Variants in AHI1 observed in about 807,000 individuals in gnomAD.
AHI1 encodes Abelson helper integration site 1.
AHI1 carries 123 observed loss-of-function variants against 149.3 expected under a neutral mutation model. That is an observed-to-expected ratio of 0.82 (90% confidence interval 0.71 to 0.96). AHI1 has a LOEUF of 0.96. Ranked by LOEUF, AHI1 falls within the 40% of genes least tolerant of loss-of-function variation. The pLI is 0.00. For missense variants in AHI1, 1,439 were observed against 1,422.7 expected (o/e 1.01, Z -0.18); for synonymous variants, 475 against 459.8 (o/e 1.03, Z -0.42).
chr6:135,490,508 A>G (rs1795103607), intron 5 of AHI1, 115 bp downstream of exon 5: 14 of 1,197,200 alleles, frequency 1.2e-5, no homozygotes, highest in Non-Finnish European at 1.6e-5. Flanking sequence ...TGACCATGAC[A>G]TAGTGTTACT....
At chr6:135,334,832 C>T (rs1789131532) in intron 24 of AHI1, among the ~76,000 whole-genome samples, 1 of 152,170 alleles carries the variant, frequency 6.6e-6, no homozygotes, top group Admixed American at 6.5e-5. Context: ...TTCCCCAGAC[C>T]TGCAGCAGCA....
intron 3 of AHI1, among the ~76,000 whole-genome samples, chr6:135,495,152 A>G (rs1239778092): frequency 6.6e-6 from 1 of 151,024 alleles, no homozygotes; most frequent in Non-Finnish European, 1.5e-5. Flanking sequence ...TTGTTTTAAG[A>G]TTGTTTCCAC....
At chr6:135,425,139 TTTTAA>T (rs1263285345) in intron 20 of AHI1, among the ~76,000 whole-genome samples, 3 of 151,978 alleles carry the variant, frequency 2.0e-5, no homozygotes, top group Non-Finnish European at 4.4e-5. Context: ...CATTTTTTAG[TTTTAA>T]TTTGTTTGTA....
rs763402338 is a variant in AHI1 at position 135,428,617 on chromosome 6, A to G, written c.2623+12T>C. The G allele has an allele frequency of 6.3e-5, 101 of 1,593,704 alleles. No homozygotes were observed. Among genetic ancestry groups the G allele is most frequent in the South Asian group, 2.6e-4 (22 of 86,152 alleles). ...CTCCCCAAATGATTTTTAAAGTTCA[A>G]TAAACATTCACCTGTTTCTGGGTTC... On this transcript the variant is annotated intron_variant, in intron 19 of 28. Coordinates refer to ENST00000265602, the MANE Select transcript of AHI1 (RefSeq NM_001134831.2).
chr6:135,490,789 C>G (rs1396510448), intron 4 of AHI1, 42 bp from the exon 5 acceptor site: 1 of 1,604,808 alleles, frequency 6.2e-7, no homozygotes, highest in Non-Finnish European at 8.5e-7. Flanking sequence ...ATGACTCTAT[C>G]ATAACACACA....
chr6:135,437,480 A>C (rs1461742018), intron 15 of AHI1, among the ~76,000 whole-genome samples: 1 of 152,222 alleles, frequency 6.6e-6, no homozygotes, highest in Non-Finnish European at 1.5e-5. Context: ...AATTGTTACT[A>C]ATTCTCATCT....
chr6:135,409,417 G>T (rs1367044316), intron 21 of AHI1, among the ~76,000 whole-genome samples: 2 of 152,064 alleles, frequency 1.3e-5, no homozygotes, highest in Admixed American at 1.3e-4. Flanking sequence ...TTTTTAAAAA[G>T]ATCTGGATTT....
chr6:135,323,507 A>G (rs1787190123), intron 24 of AHI1, 183 bp from the exon 25 acceptor site: 1 of 462,424 alleles, frequency 2.2e-6, no homozygotes, highest in East Asian at 3.2e-5. Flanking sequence ...GAAGCAAGAT[A>G]AAAGACTGTG....
intron 6 of AHI1, 31 bp downstream of exon 6, chr6:135,467,550 T>G: frequency 6.4e-7 from 1 of 1,571,158 alleles, no homozygotes; most frequent in Non-Finnish European, 8.8e-7. Context: ...CTCATGCTCT[T>G]CTTCAGGCTG....
chr6:135,482,893 G>GTTTTTTTT (rs1491384083), intron 5 of AHI1, among the ~76,000 whole-genome samples: 4 of 5,790 alleles, frequency 6.9e-4, no homozygotes, highest in African/African-American at 7.0e-4. Flanking sequence ...TCCATTTAAG[G>GTTTTTTTT]CTTTTTTTTT....
intron 23 of AHI1, among the ~76,000 whole-genome samples, chr6:135,367,339 T>C (rs1304429145): frequency 6.6e-6 from 1 of 152,132 alleles, no homozygotes; most frequent in East Asian, 1.9e-4. Context: ...TGTGACTAGG[T>C]GATGATCTTT....
At chr6:135,420,611 C>T (rs749344824) in intron 20 of AHI1, among the ~76,000 whole-genome samples, 49 of 152,292 alleles carry the variant, frequency 3.2e-4, no homozygotes, top group Middle Eastern at 3.4e-3. Flanking sequence ...TGAGCCGCTG[C>T]TAGTTTCAAA....
rs370177014 is a variant in AHI1 at position 135,323,811 on chromosome 6, T to C, written c.3166-487A>G. 1.7e-3 allele frequency among the ~76,000 whole-genome samples: 257 copies of C among 152,336 alleles called. 1 individual carries two copies. The highest frequency in any genetic ancestry group is 5.9e-3 in the African/African-American group (247 of 41,584). ...TGTCTTTTTTTGAGATAAATTTCTC[T>C]ACACACATACATATTTTTTGATGTT... is the stretch of plus-strand genomic sequence containing the variant. On this transcript the variant is annotated intron_variant, in intron 24 of 28. Coordinates refer to ENST00000265602, the MANE Select transcript of AHI1 (RefSeq NM_001134831.2).
intron 5 of AHI1, among the ~76,000 whole-genome samples, chr6:135,472,399 T>C (rs1464354667): frequency 2.6e-5 from 4 of 152,240 alleles, no homozygotes; most frequent in African/African-American, 7.2e-5. Context: ...TATTCCATTG[T>C]ACAGTTATAT....
intron 19 of AHI1, among the ~76,000 whole-genome samples, chr6:135,428,417 C>A (rs1784200320): frequency 1.3e-5 from 2 of 151,544 alleles, no homozygotes; most frequent in South Asian, 4.1e-4. Context: ...AATTCTAAAT[C>A]CATAAAGATA....
chr6:135,330,000 T>C (rs1478919750), intron 24 of AHI1, among the ~76,000 whole-genome samples: 1 of 152,232 alleles, frequency 6.6e-6, no homozygotes, highest in Non-Finnish European at 1.5e-5. Context: ...AATCTCATGA[T>C]AAAACGAATG....
chr6:135,391,541 T>C (rs939395445), intron 23 of AHI1, among the ~76,000 whole-genome samples: 1 of 152,052 alleles, frequency 6.6e-6, no homozygotes, highest in African/African-American at 2.4e-5. Context: ...GGCGTGTGGG[T>C]CGGGGGTCAG....
At chr6:135,341,811 A>C (rs1189807222) in intron 24 of AHI1, among the ~76,000 whole-genome samples, 1 of 151,978 alleles carries the variant, frequency 6.6e-6, no homozygotes, top group Non-Finnish European at 1.5e-5. Flanking sequence ...TAGAAAAAGC[A>C]GTAATTTGAT....
chr6:135,482,894 C>CTTTTTTGTTTTTTTTTTTTTTTT (rs1793904845), intron 5 of AHI1, among the ~76,000 whole-genome samples: 1 of 55,734 alleles, frequency 1.8e-5, no homozygotes, highest in African/African-American at 9.3e-5. Flanking sequence ...CCATTTAAGG[C>CTTTTTTGTTTTTTTTTTTTTTTT]TTTTTTTTTT....
Sources: gnomAD v4.1 joint callset for allele counts (sites outside exome capture counted in the v4.1 genomes callset) on GRCh38, gnomAD v4.1.1 for gene constraint, MANE v1.5 for transcripts, NCBI Gene and HGNC (gene_info 2026-07-23, HGNC 2026-07-21) for gene names.